Variants in LRP1B observed in about 807,000 individuals in gnomAD.
The protein encoded by LRP1B is LDL receptor related protein 1B.
Under a neutral mutation model 556.6 loss-of-function variants are expected in LRP1B, and 217 were observed. The ratio of observed to expected loss-of-function variants is 0.39; its 90% CI spans 0.35 to 0.44. LRP1B has a LOEUF of 0.44. Among genes scored for constraint, LRP1B ranks in the 20% least tolerant of loss-of-function variants. The probability of loss-of-function intolerance (pLI) is 1.00; values close to 1 mark genes in which losing one functional copy is unlikely to be tolerated. For synonymous variants in LRP1B, 2,047 were observed against 1,865.8 expected, an observed-to-expected ratio of 1.10 and a Z score of -2.50; for missense variants, 5,053 against 5,620.8, an observed-to-expected ratio of 0.90 and a Z score of 3.23.
chr2:141,975,487 G>T (rs543149069), intron 1 of LRP1B, among the ~76,000 whole-genome samples: 70 of 152,102 alleles, frequency 4.6e-4, no homozygotes, highest in African/African-American at 1.5e-3. Context: ...AGAACAGACC[G>T]TATAAATGGA....
intron 24 of LRP1B, 134 bp from the exon 25 acceptor site, chr2:140,884,155 G>T (rs1693561726): frequency 3.9e-6 from 3 of 777,416 alleles, no homozygotes; most frequent in Admixed American, 2.7e-5. Context: ...TTGCAAAAGT[G>T]CTACCTAGCA....
chr2:141,015,910 A>T lies in LRP1B; in HGVS notation c.1976T>A (p.Met659Lys), dbSNP rs1167475721. ...GIVVDPVNGW[M>K]YWTDWEEDEI... ...ATCTTCCTCCCAGTCTGTCCAATAC[A>T]TCCAACTAAGACATTAAAAAAACAA... Residue 659 changes from methionine to lysine, a missense_variant, in exon 13 of 91, where the codon ATG (methionine) becomes AAG (lysine). Coordinates refer to ENST00000389484, the MANE Select transcript of LRP1B (RefSeq NM_018557.3). The T allele has an allele frequency of 6.2e-7, 1 of 1,612,386 alleles. No homozygotes were observed. Among genetic ancestry groups the T allele is most frequent in the Non-Finnish European group, 8.5e-7 (1 of 1,178,788 alleles).
intron 41 of LRP1B, among the ~76,000 whole-genome samples, chr2:140,684,146 C>T (rs972819531): frequency 2.0e-5 from 3 of 152,170 alleles, no homozygotes; most frequent in African/African-American, 7.2e-5. Flanking sequence ...GTAAATGTCT[C>T]ATGCTACATG....
Position 140,314,931 on chromosome 2 carries a change from T to G in LRP1B, c.12805+4A>C, listed in dbSNP as rs755895239. ...GTGAAATACAATGACAATGAAATAT[T>G]TACCTAGAACTGATGGTACGCAAGT... is the stretch of plus-strand genomic sequence containing the variant. On this transcript the variant is annotated splice_donor_region_variant and intron_variant, in intron 83 of 90. Transcript: ENST00000389484. 34 of 1,559,312 alleles carry G rather than the reference T, an allele frequency of 2.2e-5. No homozygotes were observed. In the Admixed American group the frequency reaches 6.4e-4, roughly 29 times the overall value.
intron 3 of LRP1B, among the ~76,000 whole-genome samples, chr2:141,454,061 C>T (rs891647801): frequency 2.6e-5 from 4 of 152,124 alleles, no homozygotes; most frequent in Admixed American, 1.3e-4. Context: ...TTATGCCAAC[C>T]TTGCCCCCAA....
chr2:140,254,787 C>G (rs183117131), intron 86 of LRP1B, among the ~76,000 whole-genome samples: 2 of 152,068 alleles, frequency 1.3e-5, no homozygotes, highest in Non-Finnish European at 2.9e-5. Context: ...CTCCTGACCT[C>G]GTGATCCTCC....
chr2:140,431,049 T>A (rs936314592), intron 66 of LRP1B, among the ~76,000 whole-genome samples: 10 of 152,168 alleles, frequency 6.6e-5, no homozygotes, highest in Non-Finnish European at 1.0e-4. Context: ...TTCCCTTCTG[T>A]CAGATATAAT....
intron 23 of LRP1B, among the ~76,000 whole-genome samples, chr2:140,901,295 C>G (rs1694097895): frequency 6.6e-6 from 1 of 152,164 alleles, no homozygotes; most frequent in Non-Finnish European, 1.5e-5. Context: ...ATAAACTGTC[C>G]TTCCAGCCCC....
chr2:141,884,132 T>C lies in LRP1B; in HGVS notation c.83-73731A>G, dbSNP rs137988984. On this transcript the variant is annotated intron_variant, in intron 1 of 90. Coordinates refer to ENST00000389484, the MANE Select transcript of LRP1B (RefSeq NM_018557.3). ...GCTCACACTTGAAATCTCAGCACTT[T>C]GGGTGGCCCAGGTGGGAGGATCCCT... Among the ~76,000 whole-genome samples the C allele has an allele frequency of 5.3e-4, 80 of 152,264 alleles. 1 individual carries two copies. The highest frequency in any genetic ancestry group is 1.9e-3 in the African/African-American group (77 of 41,564).
At chr2:141,029,274 A>C (rs1204721528) in intron 11 of LRP1B, among the ~76,000 whole-genome samples, 2 of 152,118 alleles carry the variant, frequency 1.3e-5, no homozygotes, top group Non-Finnish European at 2.9e-5. Flanking sequence ...ATCATACCTA[A>C]AATTTTCATG....
At chr2:140,706,352 C>T (rs1374512902) in intron 37 of LRP1B, among the ~76,000 whole-genome samples, 3 of 152,098 alleles carry the variant, frequency 2.0e-5, no homozygotes, top group African/African-American at 4.8e-5. Flanking sequence ...ACTAAAAATA[C>T]TTTCTGAAAT....
chr2:140,927,039 C>T (rs2105265053), intron 20 of LRP1B, among the ~76,000 whole-genome samples: 1 of 152,296 alleles, frequency 6.6e-6, no homozygotes, highest in Middle Eastern at 3.4e-3. Context: ...GGCGCAGTGG[C>T]TCACACCTGT....
chr2:141,069,592 G>T (rs1699578562), intron 7 of LRP1B, among the ~76,000 whole-genome samples: 1 of 151,956 alleles, frequency 6.6e-6, no homozygotes, highest in South Asian at 2.1e-4. Context: ...TCTAAGAAAA[G>T]AACCACTTGG....
intron 50 of LRP1B, 150 bp downstream of exon 50, chr2:140,516,739 A>T: frequency 1.4e-6 from 1 of 733,946 alleles, no homozygotes; most frequent in Non-Finnish European, 2.1e-6. Context: ...TTTTAATTTT[A>T]ATCTTTACCA....
intron 2 of LRP1B, among the ~76,000 whole-genome samples, chr2:141,776,596 C>T (rs1030381236): frequency 6.6e-6 from 1 of 152,104 alleles, no homozygotes; most frequent in East Asian, 1.9e-4. Flanking sequence ...TTAGTGGTAT[C>T]AGTATTGCCA....
At chr2:141,649,602 C>G (rs562451528) in intron 2 of LRP1B, among the ~76,000 whole-genome samples, 1 of 152,280 alleles carries the variant, frequency 6.6e-6, no homozygotes, top group African/African-American at 2.4e-5. Context: ...TTTCTCCATT[C>G]TACTTCCATA....
At chr2:141,083,727 A>G (rs2091809) in intron 7 of LRP1B, among the ~76,000 whole-genome samples, 150,427 of 152,238 alleles carry the variant, frequency 0.99, 74,346 homozygotes, top group Middle Eastern at 1. Flanking sequence ...ATTAGAAGAG[A>G]AAAAGAGACC....
At chr2:140,852,152 C>T (rs533020865) in intron 27 of LRP1B, among the ~76,000 whole-genome samples, 1 of 152,134 alleles carries the variant, frequency 6.6e-6, no homozygotes, top group South Asian at 2.1e-4. Flanking sequence ...ACCATGAAAC[C>T]CCATCTCTAC....
intron 3 of LRP1B, among the ~76,000 whole-genome samples, chr2:141,394,538 AG>A (rs972747140): frequency 2.2e-4 from 34 of 152,262 alleles, no homozygotes; most frequent in Admixed American, 1.3e-4. Context: ...CATAGCCAAC[AG>A]GGGTAGAATC....
Sources: gnomAD v4.1 joint callset for allele counts (sites outside exome capture counted in the v4.1 genomes callset) on GRCh38, gnomAD v4.1.1 for gene constraint, MANE v1.5 for transcripts, NCBI Gene and HGNC (gene_info 2026-07-23, HGNC 2026-07-21) for gene names.